Variants in TMEM11 observed in about 807,000 individuals in gnomAD.
TMEM11 encodes transmembrane protein 11, also known as transmembrane protein 11, mitochondrial.
A neutral mutation model predicts 17.0 loss-of-function variants in TMEM11; 1 was observed. That is an observed-to-expected ratio of 0.06 (90% CI 0.02 to 0.28). The LOEUF (loss-of-function observed/expected upper bound fraction) is 0.28. Ranked by LOEUF, TMEM11 falls within the 10% of genes least tolerant of loss-of-function variation. The pLI, the probability that TMEM11 is intolerant of heterozygous loss-of-function variation, is 1.00. For synonymous variants in TMEM11, 122 were observed against 118.1 expected (o/e 1.03, Z -0.21); for missense variants, 172 against 252.9 (o/e 0.68, Z 2.17).
rs368733534 is a variant in TMEM11, at chr17:21,203,991, C to CTTTTT, written c.63-5156_63-5152dup. Among the ~76,000 whole-genome samples the CTTTTT allele has an allele frequency of 3.7e-5, 4 of 107,648 alleles. No homozygotes were observed. In the South Asian group the frequency reaches 1.3e-3, roughly 34 times the overall value. 70.6% of individuals were successfully genotyped at this position (107,648 alleles called of 152,430 possible). ...TTTTTTTTTTTTTAAATTATATGGA[C>CTTTTT]TTTTTTTTTTTTTTTTAAGTAAGAG... is the stretch of plus-strand genomic sequence containing the variant. On this transcript the variant is annotated intron_variant, in intron 1 of 1. Transcript: ENST00000317635.
Position 21,198,367 on chromosome 17 carries a change from A to G in TMEM11, c.536T>C (p.Leu179Pro). The change falls in exon 2 of 2, where the codon CTG (leucine) becomes CCG (proline). Residue 179 changes from leucine to proline, a missense_variant. Leu to Pro is a moderately conservative substitution (Grantham distance 98). Transcript: ENST00000317635. This position sits in a 1 kb window ranked among gnomAD's most constrained non-coding sequence, Gnocchi z 6.5. The part of the protein sequence containing the change: ...RLHNTIALAA[L>P]VYCVKKIYEL... ...GTAAATCTTCTTTACACAGTACACC[A>G]GGGCGGCCAGTGCTATCGTGTTGTG... 1.2e-6 allele frequency: 2 copies of G among 1,614,222 alleles called. No homozygotes were observed. Among genetic ancestry groups the G allele is most frequent in the East Asian group, 2.2e-5 (1 of 44,882 alleles).
At chr17:21,214,070 C>A in intron 1 of TMEM11, 21 bp downstream of exon 1, 9 of 1,605,190 alleles carry the variant, frequency 5.6e-6, no homozygotes, top group Non-Finnish European at 6.8e-6. Context: ...GCACTGGGGG[C>A]AACAAGCCCT....
At chr17:21,202,301 C>A (rs902945036) in intron 1 of TMEM11, among the ~76,000 whole-genome samples, 1 of 152,198 alleles carries the variant, frequency 6.6e-6, no homozygotes, top group Non-Finnish European at 1.5e-5. Flanking sequence ...GCCAGGGACA[C>A]CTTGGGGCGG....
intron 1 of TMEM11, 153 bp downstream of exon 1, chr17:21,213,938 G>C: frequency 1.4e-6 from 1 of 728,168 alleles, no homozygotes. Context: ...CCGGATCCCG[G>C]ATCCTCCGGA....
chr17:21,213,843 C>T lies in TMEM11; in HGVS notation c.62+248G>A, dbSNP rs1597775031. ...GCACGGCCCGGCCTCGGGCCCCGCCCCGCATGGCCGCTGCCTACCTTACTC... is the reference window on the plus strand; with the variant it reads ...GCACGGCCCGGCCTCGGGCCCCGCCTCGCATGGCCGCTGCCTACCTTACTC... On this transcript the variant is annotated intron_variant, in intron 1 of 1. Transcript: ENST00000317635. 7.6e-6 allele frequency: 4 copies of T among 527,636 alleles called. No individual in the cohort carries two copies. In the East Asian group the frequency reaches 1.4e-4, roughly 18 times the overall value. The allele number at this position is 527,636 out of a possible 1,614,324, so 32.7% of individuals were successfully genotyped here. A position where few individuals can be genotyped will look rare whatever the true frequency, so the allele number is the denominator to read the frequency against.
chr17:21,209,848 C>T (rs1321096117), intron 1 of TMEM11, among the ~76,000 whole-genome samples: 1 of 152,172 alleles, frequency 6.6e-6, no homozygotes, highest in South Asian at 2.1e-4. Flanking sequence ...TGCAGGGACA[C>T]GCCAGGAGTC....
At chr17:21,213,599 G>A (rs1975026554) in intron 1 of TMEM11, 1 of 156,886 alleles carries the variant, frequency 6.4e-6, no homozygotes, top group South Asian at 1.8e-4. Flanking sequence ...AAGCTCCCTA[G>A]TAAACGTGCA....
chr17:21,204,119 G>A (rs1597771013), intron 1 of TMEM11, among the ~76,000 whole-genome samples: 1 of 37,938 alleles, frequency 2.6e-5, no homozygotes, highest in Non-Finnish European at 5.6e-5. Context: ...TAGAGTCTAT[G>A]TTTAAAAAAA....
chr17:21,211,459 T>G (rs556349716), intron 1 of TMEM11, among the ~76,000 whole-genome samples: 11 of 152,356 alleles, frequency 7.2e-5, no homozygotes, highest in African/African-American at 2.6e-4. Flanking sequence ...TTTTACTTAA[T>G]TTTAATGAAT....
chr17:21,198,989 C>T lies in TMEM11; in HGVS notation c.63-149G>A. On this transcript the variant is annotated intron_variant, in intron 1 of 1. Transcript: ENST00000317635. The surrounding 1 kb of genome is among the most constrained non-coding windows in gnomAD (Gnocchi z 6.5). ...CTTGGGTCCTCATCTCCTTTAAATC[C>T]CAACACAAGATAATCAGTAAAAAGG... 1.2e-6 allele frequency: 1 copy of T among 831,146 alleles called. No individual in the cohort carries two copies. Among genetic ancestry groups the T allele is most frequent in the Non-Finnish European group, 1.8e-6 (1 of 551,438 alleles). 51.5% of individuals were successfully genotyped at this position (831,146 alleles called of 1,614,324 possible). A position where few individuals can be genotyped will look rare whatever the true frequency, so the allele number is the denominator to read the frequency against.
intron 1 of TMEM11, among the ~76,000 whole-genome samples, chr17:21,207,616 G>A (rs943840016): frequency 1.3e-5 from 2 of 151,886 alleles, no homozygotes; most frequent in Non-Finnish European, 2.9e-5. Flanking sequence ...GGCTAGGCGC[G>A]GTGGCTCACG....
At position 21,198,699 on chromosome 17, in the gene TMEM11, G is replaced by T; in HGVS notation, c.204C>A (p.Gly68=). The T allele has an allele frequency of 6.2e-7, 1 of 1,614,128 alleles. No homozygotes were observed. The highest frequency in any genetic ancestry group is 8.5e-7 in the Non-Finnish European group (1 of 1,180,054). The part of the protein sequence containing the change: ...KYIVIEPTRI[G]DETARWITVG... Reference sequence around the variant, plus strand: ...CGGTGATCCAGCGGGCTGTCTCGTCGCCAATGCGAGTGGGCTCAATCACAA... The same window carrying T: ...CGGTGATCCAGCGGGCTGTCTCGTCTCCAATGCGAGTGGGCTCAATCACAA... The change falls in exon 2 of 2, where the codon GGC becomes GGA. Residue 68 remains glycine (G), a synonymous_variant. Coordinates refer to ENST00000317635, the MANE Select transcript of TMEM11 (RefSeq NM_003876.3). This position sits in a 1 kb window ranked among gnomAD's most constrained non-coding sequence, Gnocchi z 6.5.
chr17:21,201,174 C>A (rs1160506963), intron 1 of TMEM11, among the ~76,000 whole-genome samples: 1 of 152,198 alleles, frequency 6.6e-6, no homozygotes, highest in Non-Finnish European at 1.5e-5. Flanking sequence ...AGATGAAAGT[C>A]ATTGGTAATG....
Position 21,214,124 on chromosome 17 carries a change from C to G in TMEM11, c.29G>C (p.Gly10Ala). 1 of 1,612,292 alleles carries G rather than the reference C, an allele frequency of 6.2e-7. No individual in the cohort carries two copies. Among genetic ancestry groups the G allele is most frequent in the Non-Finnish European group, 8.5e-7 (1 of 1,179,668 alleles). MAAWGRRRLGPGSSGGSARE... is the reference protein window; with the variant it reads MAAWGRRRLAPGSSGGSARE... The stretch of plus-strand genomic sequence containing the variant: ...GGCGCTGCCGCCACTGCTGCCCGGG[C>G]CAAGACGCCTCCTTCCCCAAGCGGC... The change falls in exon 1 of 2, where the codon GGC becomes GCC. Residue 10 changes from glycine to alanine, a missense_variant. By Grantham distance (60) the Gly-to-Ala change is moderately conservative. Coordinates refer to ENST00000317635, the MANE Select transcript of TMEM11 (RefSeq NM_003876.3).
chr17:21,200,251 T>C (rs1451550477), intron 1 of TMEM11, among the ~76,000 whole-genome samples: 1 of 152,248 alleles, frequency 6.6e-6, no homozygotes. Flanking sequence ...CAGAATCTTC[T>C]TCACCTGTGG....
intron 1 of TMEM11, among the ~76,000 whole-genome samples, chr17:21,206,040 CT>C (rs869141622): frequency 5.2e-5 from 6 of 115,692 alleles, no homozygotes; most frequent in African/African-American, 2.2e-4. Context: ...TGAGTCCCTG[CT>C]TTTTTTGGGG....
chr17:21,208,150 G>A (rs111548320), intron 1 of TMEM11, among the ~76,000 whole-genome samples: 5,097 of 150,948 alleles, frequency 0.034, 259 homozygotes, highest in African/African-American at 0.11. Context: ...TCGCCACCAC[G>A]CCCGGCTAAT....
chr17:21,213,950 C>T, intron 1 of TMEM11, 141 bp downstream of exon 1: 2 of 809,516 alleles, frequency 2.5e-6, no homozygotes, highest in Non-Finnish European at 3.8e-6. Context: ...TCCTCCGGAA[C>T]TGGAACCCAG....
At chr17:21,205,968 G>A (rs1001701636) in intron 1 of TMEM11, among the ~76,000 whole-genome samples, 4 of 151,892 alleles carry the variant, frequency 2.6e-5, no homozygotes, top group African/African-American at 4.8e-5. Flanking sequence ...TGGACACTTC[G>A]GTTTCCACCA....
Sources: allele counts gnomAD v4.1 joint callset (sites outside exome capture counted in the v4.1 genomes callset), GRCh38; gene constraint gnomAD v4.1.1; non-coding constraint Gnocchi (gnomAD v3.1); transcripts MANE v1.5; gene names NCBI Gene and HGNC (gene_info 2026-07-23, HGNC 2026-07-21).